Variants in NELL1 observed in about 807,000 individuals in gnomAD.
NELL1 encodes the protein protein kinase C-binding protein NELL1.
A neutral mutation model predicts 107.4 loss-of-function variants in NELL1; 76 were observed. That is an observed-to-expected ratio of 0.71 (90% CI 0.59 to 0.86). The LOEUF is 0.86. NELL1 is among the 40% of genes least tolerant of loss of function. The pLI, the probability that NELL1 is intolerant of heterozygous loss-of-function variation, is 0.00. For synonymous variants in NELL1, 353 were observed against 341.2 expected (o/e 1.03, Z -0.38); for missense variants, 1,024 against 1,005.5 (o/e 1.02, Z -0.25).
intron 13 of NELL1, among the ~76,000 whole-genome samples, chr11:21,177,137 G>A (rs1409278650): frequency 6.6e-6 from 1 of 151,628 alleles, no homozygotes; most frequent in Non-Finnish European, 1.5e-5. Context: ...ACTATTTTGA[G>A]GAATTTAGAA....
chr11:20,961,335 T>G (rs1020143983), intron 12 of NELL1, among the ~76,000 whole-genome samples: 3 of 152,198 alleles, frequency 2.0e-5, no homozygotes, highest in African/African-American at 7.2e-5. Context: ...CCCATCCATT[T>G]CCAACGTGCT....
rs550142325 is a variant in NELL1 at position 21,540,423 on chromosome 11, G to C, written c.1786+5909G>C. 2.6e-5 allele frequency among the ~76,000 whole-genome samples: 4 copies of C among 152,112 alleles called. No homozygotes were observed. In the South Asian group the frequency reaches 8.3e-4, roughly 32 times the overall value. On this transcript the variant is annotated intron_variant, in intron 16 of 19. Coordinates refer to ENST00000357134, the MANE Select transcript of NELL1 (RefSeq NM_006157.5). ...CAATTTTTTTAGCTCCTACACATGA[G>C]TGAGAACATGAAATATTTACCTTTC...
At chr11:21,105,395 T>A (rs1854927288) in intron 12 of NELL1, among the ~76,000 whole-genome samples, 1 of 152,122 alleles carries the variant, frequency 6.6e-6, no homozygotes, top group Admixed American at 6.5e-5. Flanking sequence ...CCAGATGTGG[T>A]GTTTACGTCA....
chr11:20,839,944 C>T (rs541797012), intron 3 of NELL1, among the ~76,000 whole-genome samples: 9 of 152,266 alleles, frequency 5.9e-5, no homozygotes, highest in Admixed American at 2.0e-4. Context: ...GAACCACCAA[C>T]GGGGCCACTT....
intron 12 of NELL1, among the ~76,000 whole-genome samples, chr11:20,999,225 T>A (rs959469): frequency 0.077 from 11,734 of 152,230 alleles, 1,517 homozygotes; most frequent in African/African-American, 0.27. Context: ...CACAACCTTC[T>A]GTTTAGTTCC....
chr11:21,104,261 T>C (rs1300752467), intron 12 of NELL1, among the ~76,000 whole-genome samples: 2 of 152,182 alleles, frequency 1.3e-5, no homozygotes, highest in African/African-American at 4.8e-5. Flanking sequence ...TCAATGTGTT[T>C]CTTTCCGTGT....
chr11:20,786,809 C>T lies in NELL1; in HGVS notation c.335+2979C>T, dbSNP rs549321747. ...ATATCACAAGGTCAGGAGATCGAGACCATCCTGGCTAACACGGTGAAACCC... is the reference window on the plus strand; with the variant it reads ...ATATCACAAGGTCAGGAGATCGAGATCATCCTGGCTAACACGGTGAAACCC... On this transcript the variant is annotated intron_variant, in intron 3 of 19. Transcript: ENST00000357134. Among the ~76,000 whole-genome samples, 12 of 151,858 alleles carry T rather than the reference C, an allele frequency of 7.9e-5. No individual in the cohort carries two copies. The East Asian group carries it at 2.1e-3, about 27-fold the overall frequency.
rs192737152 is a variant in NELL1 at position 21,119,335 on chromosome 11, C to A, written c.1426+5621C>A. On this transcript the variant is annotated intron_variant, in intron 13 of 19. Coordinates refer to ENST00000357134, the MANE Select transcript of NELL1 (RefSeq NM_006157.5). ...GATGGAGGAGAAAGGCAATGCATTA[C>A]ACAGAACAGGAAACTTTAGCTCTTA... Among the ~76,000 whole-genome samples the A allele has an allele frequency of 3.0e-4, 44 of 146,612 alleles. No individual in the cohort carries two copies. In the East Asian group the frequency reaches 8.3e-3, roughly 28 times the overall value.
chr11:21,378,019 A>G (rs1161811270), intron 15 of NELL1, among the ~76,000 whole-genome samples: 1 of 152,038 alleles, frequency 6.6e-6, no homozygotes, highest in Admixed American at 6.6e-5. Context: ...AAATGTAATT[A>G]GCAGTACACC....
intron 4 of NELL1, among the ~76,000 whole-genome samples, chr11:20,855,686 T>C (rs565487194): frequency 6.6e-6 from 1 of 152,182 alleles, no homozygotes; most frequent in Non-Finnish European, 1.5e-5. Flanking sequence ...TGGATATGCA[T>C]GGTTATTTTT....
chr11:21,029,027 C>A (rs1464550393), intron 12 of NELL1, among the ~76,000 whole-genome samples: 1 of 152,076 alleles, frequency 6.6e-6, no homozygotes, highest in East Asian at 1.9e-4. Context: ...CTTTCCAATT[C>A]TCTGTATTGT....
At chr11:21,124,490 T>C (rs1479378766) in intron 13 of NELL1, among the ~76,000 whole-genome samples, 2 of 152,164 alleles carry the variant, frequency 1.3e-5, no homozygotes, top group African/African-American at 4.8e-5. Flanking sequence ...TACCTGACAC[T>C]GGGTAGCTTA....
Position 20,927,408 on chromosome 11 carries a change from T to A in NELL1, c.860T>A (p.Val287Glu). The A allele has an allele frequency of 6.2e-7, 1 of 1,612,314 alleles. No individual in the cohort carries two copies. The highest frequency in any genetic ancestry group is 8.5e-7 in the Non-Finnish European group (1 of 1,179,646). Reference protein sequence around the residue: ...GLLYRDQDSWVDGDHCRNCTC... With the variant: ...GLLYRDQDSWEDGDHCRNCTC... ...CTCTATCGAGATCAAGACTCTTGGG[T>A]AGATGGTGACCATTGCAGGAACTGC... The change falls in exon 8 of 20, where the codon GTA (valine) becomes GAA (glutamate). Residue 287 changes from valine to glutamate, a missense_variant. By Grantham distance (121) the Val-to-Glu change is moderately radical. Transcript: ENST00000357134.
intron 13 of NELL1, among the ~76,000 whole-genome samples, chr11:21,183,732 T>G (rs1375222038): frequency 6.6e-6 from 1 of 151,780 alleles, no homozygotes; most frequent in Non-Finnish European, 1.5e-5. Context: ...TGAATATAAC[T>G]AGTGGGAACC....
chr11:21,391,961 A>T (rs948906761), intron 15 of NELL1, among the ~76,000 whole-genome samples: 5 of 151,860 alleles, frequency 3.3e-5, no homozygotes, highest in African/African-American at 1.2e-4. Context: ...CTTGTAGGGA[A>T]GAGTCTTTCT....
chr11:20,745,226 G>GT (rs1400091385), intron 2 of NELL1, among the ~76,000 whole-genome samples: 13 of 152,090 alleles, frequency 8.5e-5, no homozygotes, highest in Non-Finnish European at 1.9e-4. Context: ...GTAAATATTT[G>GT]TTTTTTGTCC....
intron 5 of NELL1, among the ~76,000 whole-genome samples, chr11:20,888,229 T>C (rs964582171): frequency 9.2e-5 from 14 of 152,110 alleles, no homozygotes; most frequent in African/African-American, 3.4e-4. Context: ...CTAATAGTAG[T>C]GCTTCAGAGA....
At chr11:20,852,692 C>G (rs562685800) in intron 4 of NELL1, among the ~76,000 whole-genome samples, 1 of 152,276 alleles carries the variant, frequency 6.6e-6, no homozygotes, top group South Asian at 2.1e-4. Flanking sequence ...CTCTCAATCT[C>G]CTGGTTCTCC....
At chr11:20,744,014 G>A (rs996637715) in intron 2 of NELL1, among the ~76,000 whole-genome samples, 1 of 152,128 alleles carries the variant, frequency 6.6e-6, no homozygotes, top group African/African-American at 2.4e-5. Flanking sequence ...TTATGTTTAT[G>A]TTCCTCATCT....
Sources: allele counts gnomAD v4.1 joint callset (sites outside exome capture counted in the v4.1 genomes callset), GRCh38; gene constraint gnomAD v4.1.1; transcripts MANE v1.5; gene names NCBI Gene and HGNC (gene_info 2026-07-23, HGNC 2026-07-21).